CHIC1: variants seen among roughly 807,000 people sequenced by gnomAD.
CHIC1 encodes the protein cysteine-rich hydrophobic domain-containing protein 1.
A neutral mutation model predicts 18.5 loss-of-function variants in CHIC1; 7 were observed. That is an observed-to-expected ratio of 0.38 (90% confidence interval 0.22 to 0.71). CHIC1 has a LOEUF of 0.71. CHIC1 is among the 30% of genes least tolerant of loss of function. The pLI, the probability that CHIC1 is intolerant of heterozygous loss-of-function variation, is 0.49. For missense variants in CHIC1, 159 were observed against 176.9 expected (o/e 0.90, Z 0.57); for synonymous variants, 77 against 73.5 (o/e 1.05, Z -0.25).
At chrX:73,571,374 CT>C (rs2057470063) in intron 1 of CHIC1, among the ~76,000 whole-genome samples, 1 of 111,319 alleles carries the variant, frequency 9.0e-6, no homozygotes, top group African/African-American at 3.2e-5. Context: ...AGAATTTACT[CT>C]TCGTGTAATA....
chrX:73,676,754 G>C (rs1346542039), intron 3 of CHIC1, among the ~76,000 whole-genome samples: 1 of 112,047 alleles, frequency 8.9e-6, no homozygotes, highest in Non-Finnish European at 1.9e-5. Flanking sequence ...TCTCTGTTCA[G>C]CTTTGTGCCA....
chrX:73,590,538 G>T (rs959758235), intron 3 of CHIC1, among the ~76,000 whole-genome samples: 3 of 111,271 alleles, frequency 2.7e-5, no homozygotes, highest in African/African-American at 9.8e-5. Context: ...TTTGGCAAGT[G>T]TATAATGATA....
chrX:73,675,942 C>G (rs1332780909), intron 3 of CHIC1, among the ~76,000 whole-genome samples: 3 of 110,656 alleles, frequency 2.7e-5, no homozygotes, highest in Admixed American at 1.9e-4. Flanking sequence ...GACAAAATCT[C>G]TCAGCATTTG....
chrX:73,602,177 A>G (rs1222973566), intron 3 of CHIC1, among the ~76,000 whole-genome samples: 1 of 108,977 alleles, frequency 9.2e-6, no homozygotes, highest in Non-Finnish European at 1.9e-5. Flanking sequence ...AAACTATTCC[A>G]ATCAATAGAA....
intron 3 of CHIC1, among the ~76,000 whole-genome samples, chrX:73,605,116 A>G (rs891314288): frequency 1.9e-5 from 2 of 107,954 alleles, no homozygotes; most frequent in Non-Finnish European, 3.8e-5. Flanking sequence ...GTCTCCCACT[A>G]TTATCGTGTA....
chrX:73,679,512 A>C, intron 4 of CHIC1, 130 bp downstream of exon 4: 1 of 558,830 alleles, frequency 1.8e-6, no homozygotes, highest in Non-Finnish European at 2.8e-6. Flanking sequence ...TTTTTAATAT[A>C]TATTCTTTAC....
intron 3 of CHIC1, among the ~76,000 whole-genome samples, chrX:73,641,068 T>A (rs1466574137): frequency 8.9e-6 from 1 of 111,852 alleles, no homozygotes; most frequent in Non-Finnish European, 1.9e-5. Flanking sequence ...TTCAAAAAAT[T>A]TCTTGATTTC....
chrX:73,655,507 C>CAATATTGTGTAT (rs2057941905), intron 3 of CHIC1, among the ~76,000 whole-genome samples: 2 of 66,128 alleles, frequency 3.0e-5, no homozygotes, highest in Non-Finnish European at 5.5e-5. Flanking sequence ...TATATATATA[C>CAATATTGTGTAT]ATATATACAC....
intron 2 of CHIC1, among the ~76,000 whole-genome samples, chrX:73,581,613 T>C (rs1219364326): frequency 9.0e-6 from 1 of 111,217 alleles, no homozygotes; most frequent in Non-Finnish European, 1.9e-5. Context: ...CCTGGTCTCC[T>C]TTTAAAGTCA....
chrX:73,595,180 C>CTT (rs368494697), intron 3 of CHIC1, among the ~76,000 whole-genome samples: 4 of 110,780 alleles, frequency 3.6e-5, no homozygotes, highest in African/African-American at 1.3e-4. Context: ...AAAATCTTCC[C>CTT]TTTTTTTATT....
At chrX:73,653,274 C>T (rs1336866860) in intron 3 of CHIC1, among the ~76,000 whole-genome samples, 1 of 110,865 alleles carries the variant, frequency 9.0e-6, no homozygotes, top group Admixed American at 9.6e-5. Flanking sequence ...ATAGATGCCG[C>T]AAACCACCAT....
At chrX:73,651,805 C>G (rs934919616) in intron 3 of CHIC1, among the ~76,000 whole-genome samples, 1 of 111,563 alleles carries the variant, frequency 9.0e-6, no homozygotes, top group Non-Finnish European at 1.9e-5. Flanking sequence ...TGAACATGGC[C>G]GTACTGCCCA....
intron 3 of CHIC1, among the ~76,000 whole-genome samples, chrX:73,658,464 T>C (rs1340562036): frequency 9.2e-6 from 1 of 108,275 alleles, no homozygotes; most frequent in Admixed American, 1.0e-4. Context: ...TTGTTGTATT[T>C]CTATGTGGTC....
chrX:73,568,607 AT>A (rs759395030), intron 1 of CHIC1, among the ~76,000 whole-genome samples: 5 of 111,335 alleles, frequency 4.5e-5, no homozygotes, highest in South Asian at 3.7e-4. Flanking sequence ...ACAGAAAAAA[AT>A]ATTACATCAC....
At chrX:73,570,708 C>T (rs1383708537) in intron 1 of CHIC1, among the ~76,000 whole-genome samples, 1 of 110,655 alleles carries the variant, frequency 9.0e-6, no homozygotes, top group Non-Finnish European at 1.9e-5. Context: ...ATTTGGTGAT[C>T]GTTAACAGAT....
In CHIC1 at chrX:73,686,717, T is replaced by TG. The variant is rs2058123940; in HGVS notation, c.*5714dup. ...GACTAACCACATACAAATATGAATC[T>TG]GGCTGCAAGAACAGGATATCCAGGT... On this transcript the variant is annotated 3_prime_UTR_variant, in exon 6 of 6. Coordinates refer to ENST00000373502, the MANE Select transcript of CHIC1 (RefSeq NM_001039840.4). 9.0e-6 allele frequency: 1 copy of TG among 111,568 alleles called. No homozygotes were observed. The highest frequency in any genetic ancestry group is 1.9e-5 in the Non-Finnish European group (1 of 52,965). 9.2% of individuals were successfully genotyped at this position (111,568 alleles called of 1,213,427 possible). A position where few individuals can be genotyped will look rare whatever the true frequency, so the allele number is the denominator to read the frequency against.
intron 3 of CHIC1, among the ~76,000 whole-genome samples, chrX:73,678,785 C>G (rs928809820): frequency 8.9e-6 from 1 of 111,810 alleles, no homozygotes; most frequent in Non-Finnish European, 1.9e-5. Context: ...CTGTTTTTAA[C>G]ATGTTCTTTT....
chrX:73,652,860 C>T (rs1326380740), intron 3 of CHIC1, among the ~76,000 whole-genome samples: 4 of 111,446 alleles, frequency 3.6e-5, no homozygotes, highest in Non-Finnish European at 5.7e-5. Context: ...ACCATTTGAC[C>T]CAGCAATTTC....
At chrX:73,593,108 A>G (rs1319220363) in intron 3 of CHIC1, among the ~76,000 whole-genome samples, 1 of 110,485 alleles carries the variant, frequency 9.1e-6, no homozygotes, top group Non-Finnish European at 1.9e-5. Flanking sequence ...TTTCTTTGTT[A>G]ATTTAGCTAT....
Sources: gnomAD v4.1 joint callset for allele counts (sites outside exome capture counted in the v4.1 genomes callset) on GRCh38, gnomAD v4.1.1 for gene constraint, MANE v1.5 for transcripts, NCBI Gene and HGNC (gene_info 2026-07-23, HGNC 2026-07-21) for gene names.